The following ZNF609 variants were observed in gnomAD, a reference collection of about 807,000 sequenced individuals.
ZNF609 encodes the protein zinc finger protein 609.
Under a neutral mutation model 109.5 loss-of-function variants are expected in ZNF609, and 11 were observed. The ratio of observed to expected loss-of-function variants is 0.10; its 90% CI spans 0.06 to 0.17. The LOEUF is 0.17. Ranked by LOEUF, ZNF609 falls within the 10% of genes least tolerant of loss-of-function variation. The probability of loss-of-function intolerance (pLI) is 1.00; values close to 1 mark genes in which losing one functional copy is unlikely to be tolerated. For missense variants in ZNF609, 1,559 were observed against 1,772.4 expected, an observed-to-expected ratio of 0.88 and a Z score of 2.16; for synonymous variants, 646 against 662.0, an observed-to-expected ratio of 0.98 and a Z score of 0.37.
At chr15:64,617,080 TTACAGGCGTGAGCCACTGCGTCCGGCC>T (rs1221010886) in intron 2 of ZNF609, among the ~76,000 whole-genome samples, 2 of 152,048 alleles carry the variant, frequency 1.3e-5, no homozygotes, top group Non-Finnish European at 2.9e-5. Context: ...AGTGCTGGGA[TTACAGGCGTGAGCCACTGCGTCCGGCC>T]TTAAACTGCT....
At position 64,609,589 on chromosome 15, in the gene ZNF609, C is replaced by T. The variant is rs530636430; in HGVS notation, c.748-13238C>T. Among the ~76,000 whole-genome samples, 113 of 151,064 alleles carry T rather than the reference C, an allele frequency of 7.5e-4. 4 individuals are homozygous for T. In the East Asian group the frequency reaches 0.018, roughly 24 times the overall value. ...GCTCCCAAAGTGCTGGGATTACAGG[C>T]GTGAGCCACGGTGCATGGCCTCATT... On this transcript the variant is annotated intron_variant, in intron 2 of 9. Transcript: ENST00000326648.
Position 64,593,060 on chromosome 15 carries a change from C to T in ZNF609, c.748-29767C>T, listed in dbSNP as rs894102760. On this transcript the variant is annotated intron_variant, in intron 2 of 9. Coordinates refer to ENST00000326648, the MANE Select transcript of ZNF609 (RefSeq NM_015042.2). ...GCCTATTCGCTGCACTAACTGTGCC[C>T]GATGCGTGCCCAAAGACAAGGCCAT... 25 of 1,587,440 alleles carry T rather than the reference C, an allele frequency of 1.6e-5. No homozygotes were observed. The East Asian group carries it at 4.2e-4, about 27-fold the overall frequency.
At chr15:64,671,000 G>T (rs1352810789) in intron 4 of ZNF609, among the ~76,000 whole-genome samples, 2 of 151,652 alleles carry the variant, frequency 1.3e-5, no homozygotes, top group African/African-American at 4.8e-5. Flanking sequence ...ATGAGGTCAG[G>T]AGATCGAGAC....
chr15:64,677,255 G>A (rs1252271764), intron 5 of ZNF609, among the ~76,000 whole-genome samples: 2 of 152,022 alleles, frequency 1.3e-5, no homozygotes, highest in East Asian at 3.9e-4. Context: ...GTAGAGAGGG[G>A]TCTCACTATG....
At chr15:64,477,141 T>TC (rs1566993539) in intron 1 of ZNF609, among the ~76,000 whole-genome samples, 6 of 145,578 alleles carry the variant, frequency 4.1e-5, no homozygotes, top group Non-Finnish European at 6.1e-5. Context: ...TCTTTCTTTT[T>TC]TTTTTTTTTT....
At chr15:64,588,418 ACT>A (rs1388287202) in intron 2 of ZNF609, among the ~76,000 whole-genome samples, 3 of 144,992 alleles carry the variant, frequency 2.1e-5, no homozygotes, top group African/African-American at 8.0e-5. Flanking sequence ...ACAGAGCGAC[ACT>A]CTGTCTAAAA....
intron 4 of ZNF609, 87 bp from the exon 5 acceptor site, chr15:64,673,829 C>G: frequency 7.2e-7 from 1 of 1,395,986 alleles, no homozygotes; most frequent in Non-Finnish European, 9.7e-7. Context: ...TAGTCACCAT[C>G]TGGACAGTTC....
intron 2 of ZNF609, among the ~76,000 whole-genome samples, chr15:64,591,747 A>T (rs1183349886): frequency 6.7e-6 from 1 of 150,334 alleles, no homozygotes; most frequent in Admixed American, 6.6e-5. Context: ...TTTGAGACAG[A>T]GTCTTGGTCT....
At chr15:64,661,403 G>T (rs1341547260) in intron 3 of ZNF609, among the ~76,000 whole-genome samples, 1 of 152,180 alleles carries the variant, frequency 6.6e-6, no homozygotes, top group Non-Finnish European at 1.5e-5. Context: ...CCCAGAGTAG[G>T]TGCTCATTTG....
chr15:64,466,329 A>T (rs1484619563), intron 1 of ZNF609, among the ~76,000 whole-genome samples: 1 of 152,060 alleles, frequency 6.6e-6, no homozygotes, highest in East Asian at 1.9e-4. Context: ...TTATTTTCTG[A>T]CCTTTTTAGT....
intron 2 of ZNF609, among the ~76,000 whole-genome samples, chr15:64,561,423 TAA>T (rs1008366028): frequency 4.7e-5 from 7 of 150,316 alleles, no homozygotes; most frequent in Non-Finnish European, 2.9e-5. Context: ...ATCTTAATTT[TAA>T]AAAATAGTAA....
chr15:64,509,966 T>C (rs80278624), intron 2 of ZNF609, among the ~76,000 whole-genome samples: 1 of 152,296 alleles, frequency 6.6e-6, no homozygotes, highest in Non-Finnish European at 1.5e-5. Context: ...TTGCTCTCTG[T>C]GATTTCAGTT....
At chr15:64,520,348 A>G (rs967416416) in intron 2 of ZNF609, among the ~76,000 whole-genome samples, 5 of 152,174 alleles carry the variant, frequency 3.3e-5, no homozygotes, top group African/African-American at 9.7e-5. Flanking sequence ...ACACTGCCAA[A>G]TATCCCCTGG....
chr15:64,541,079 C>A (rs2063553055), intron 2 of ZNF609, among the ~76,000 whole-genome samples: 2 of 148,018 alleles, frequency 1.4e-5, no homozygotes, highest in South Asian at 4.3e-4. Context: ...CAAAATCCAT[C>A]TTTGTTTCCT....
At chr15:64,488,862 C>G (rs1360180401) in intron 1 of ZNF609, among the ~76,000 whole-genome samples, 1 of 150,142 alleles carries the variant, frequency 6.7e-6, no homozygotes, top group Non-Finnish European at 1.5e-5. Flanking sequence ...CTCTTGAACG[C>G]AGGAGTTTGA....
At chr15:64,564,116 C>T (rs1446333894) in intron 2 of ZNF609, among the ~76,000 whole-genome samples, 1 of 151,482 alleles carries the variant, frequency 6.6e-6, no homozygotes, top group Non-Finnish European at 1.5e-5. Context: ...CCTGTCCCAC[C>T]CAGGATGTAA....
chr15:64,625,401 T>G (rs1595743361), intron 3 of ZNF609, among the ~76,000 whole-genome samples: 1 of 151,974 alleles, frequency 6.6e-6, no homozygotes, highest in Non-Finnish European at 1.5e-5. Flanking sequence ...GTACCTGTAA[T>G]CCCAGCTACT....
At chr15:64,665,632 G>C (rs1264001708) in intron 3 of ZNF609, among the ~76,000 whole-genome samples, 2 of 152,094 alleles carry the variant, frequency 1.3e-5, no homozygotes, top group African/African-American at 4.8e-5. Flanking sequence ...CAAATGGGCC[G>C]GGCCCGGTGG....
At chr15:64,570,710 TG>T (rs377665525) in intron 2 of ZNF609, among the ~76,000 whole-genome samples, 7 of 151,702 alleles carry the variant, frequency 4.6e-5, no homozygotes, top group East Asian at 1.9e-4. Context: ...TTTCATGTTA[TG>T]TTTTTTTGGA....
Sources: gnomAD v4.1 joint callset for allele counts (sites outside exome capture counted in the v4.1 genomes callset) on GRCh38, gnomAD v4.1.1 for gene constraint, MANE v1.5 for transcripts, NCBI Gene and HGNC (gene_info 2026-07-23, HGNC 2026-07-21) for gene names.